Variants in GLUD2 observed in about 807,000 individuals in gnomAD.
GLUD2 encodes the protein glutamate dehydrogenase 2.
A neutral mutation model predicts 16.2 loss-of-function variants in GLUD2; 11 were observed. The ratio of observed to expected loss-of-function variants is 0.68; its 90% confidence interval spans 0.43 to 1.13. GLUD2 has a LOEUF of 1.13. Among genes scored for constraint, GLUD2 ranks in the 50% most tolerant of loss-of-function variants. The probability of loss-of-function intolerance (pLI) is 0.00; values close to 1 mark genes in which losing one functional copy is unlikely to be tolerated. For synonymous variants in GLUD2, 147 were observed against 181.9 expected, an observed-to-expected ratio of 0.81 and a Z score of 1.55; for missense variants, 360 against 456.4, an observed-to-expected ratio of 0.79 and a Z score of 1.93.
In GLUD2 at chrX:121,048,416, A is replaced by G; in HGVS notation, c.732A>G (p.Ile244Met). 1 of 1,211,567 alleles carries G rather than the reference A, an allele frequency of 8.3e-7. No individual in the cohort carries two copies. The change falls in exon 1 of 1, where the codon ATA (isoleucine) becomes ATG (methionine). Residue 244 changes from isoleucine (I) to methionine (M), a missense_variant. Physicochemically the swap from Ile to Met is conservative, Grantham distance 10. Around this residue, in one of 3 missense-constraint regions of GLUD2, gnomAD observed 279 missense variants for 352.9 expected, o/e 0.79. Transcript: ENST00000328078. ...TTGCTGATACCTATGCCAGCACCAT[A>G]GGGCACTATGATATTAATGCACACG... ...SWIADTYAST[I>M]GHYDINAHAC...
rs1925391613 is a variant in GLUD2 at position 121,047,967 on chromosome X, G to A, written c.283G>A (p.Glu95Lys). The A allele has an allele frequency of 8.3e-7, 1 of 1,211,936 alleles. No individual in the cohort carries two copies. The change falls in exon 1 of 1, where the codon GAG (glutamate) becomes AAG (lysine). Residue 95 changes from glutamate (E) to lysine (K), a missense_variant. This residue lies in a region of GLUD2 where 23 missense variants were observed against 53.7 expected (regional missense o/e 0.43). Coordinates refer to ENST00000328078, the MANE Select transcript of GLUD2 (RefSeq NM_012084.4). ...GAAGGACCTGAGGACCCAGGAAAGCGAGGAGCAGAAGCGGAACCGGGTGCG... is the reference window on the plus strand; with the variant it reads ...GAAGGACCTGAGGACCCAGGAAAGCAAGGAGCAGAAGCGGAACCGGGTGCG... ...LVKDLRTQES[E>K]EQKRNRVRGI...
In GLUD2 at chrX:121,047,629, T is replaced by C; in HGVS notation, c.-56T>C. 2.4e-6 allele frequency: 2 copies of C among 817,964 alleles called. No individual in the cohort carries two copies. Among genetic ancestry groups the C allele is most frequent in the Non-Finnish European group, 3.2e-6 (2 of 624,957 alleles). 67.4% of individuals were successfully genotyped at this position (817,964 alleles called of 1,213,427 possible). On this transcript the variant is annotated 5_prime_UTR_variant, in exon 1 of 1. Transcript: ENST00000328078. ...ACCCTTCCTTCCTAGTCGCGGGGAG[T>C]CTGAGAAAGCGCACCTGTTCCGCGA...
rs1569441467 is a variant in GLUD2, at chrX:121,049,085, C to G, written c.1401C>G (p.Leu467=). The part of the protein sequence containing the change: ...KYERDSNYHL[L]LSVQESLERK... ...AAAGGGATTCTAACTACCACTTGCT[C>G]CTGTCTGTTCAAGAGAGTTTAGAAA... The change falls in exon 1 of 1, where the codon CTC becomes CTG. Residue 467 remains leucine (L), a synonymous_variant. Transcript: ENST00000328078. 1.7e-6 allele frequency: 2 copies of G among 1,210,518 alleles called. No individual in the cohort carries two copies. The highest frequency in any genetic ancestry group is 2.2e-6 in the Non-Finnish European group (2 of 895,338).
chrX:121,048,018 T>G lies in GLUD2; in HGVS notation c.334T>G (p.Cys112Gly). ...VRGILRIIKP[C>G]NHVLSLSFPI... The stretch of plus-strand genomic sequence containing the variant: ...CGGCATCCTGCGGATCATCAAGCCC[T>G]GCAACCATGTGCTGAGTCTCTCCTT... The change falls in exon 1 of 1, where the codon TGC becomes GGC. Residue 112 changes from cysteine (C) to glycine (G), a missense_variant. Cys to Gly is a radical substitution (Grantham distance 159). Around this residue, in one of 3 missense-constraint regions of GLUD2, gnomAD observed 279 missense variants for 352.9 expected, o/e 0.79. Coordinates refer to ENST00000328078, the MANE Select transcript of GLUD2 (RefSeq NM_012084.4). 1 of 1,211,618 alleles carries G rather than the reference T, an allele frequency of 8.3e-7. No individual in the cohort carries two copies. Among genetic ancestry groups the G allele is most frequent in the Non-Finnish European group, 1.1e-6 (1 of 895,420 alleles).
In GLUD2 at chrX:121,047,865, G is replaced by A. The variant is rs774713459; in HGVS notation, c.181G>A (p.Glu61Lys). ...RHYSELVADREDDPNFFKMVE... is the reference protein window; with the variant it reads ...RHYSELVADRKDDPNFFKMVE... ...CTACAGCGAGTTGGTGGCCGACCGC[G>A]AGGACGACCCCAACTTCTTCAAGAT... Residue 61 changes from glutamate (E) to lysine (K), a missense_variant, in exon 1 of 1, where the codon GAG becomes AAG. Glu to Lys is a moderately conservative substitution (Grantham distance 56). Coordinates refer to ENST00000328078, the MANE Select transcript of GLUD2 (RefSeq NM_012084.4). 8.3e-7 allele frequency: 1 copy of A among 1,210,294 alleles called. No homozygotes were observed. Among genetic ancestry groups the A allele is most frequent in the Non-Finnish European group, 1.1e-6 (1 of 895,550 alleles).
rs2147396818 is a variant in GLUD2 at position 121,048,993 on chromosome X, G to A, written c.1309G>A (p.Val437Ile). The A allele has an allele frequency of 8.3e-7, 1 of 1,211,240 alleles. No homozygotes were observed. The change falls in exon 1 of 1, where the codon GTA becomes ATA. Residue 437 changes from valine (V) to isoleucine (I), a missense_variant. By Grantham distance (29) the Val-to-Ile change is conservative. Transcript: ENST00000328078. The stretch of plus-strand genomic sequence containing the variant: ...CTACTTGAATGCTGGAGGAGTGACA[G>A]TATCTTACTTTGAGTGGCTGAAGAA... ...DLYLNAGGVT[V>I]SYFEWLKNLN...
At position 121,049,448 on chromosome X, in the gene GLUD2, C is replaced by G. The variant is rs1602702419; in HGVS notation, c.*87C>G. ...AGTTTACATGTAACCACAGAAATCC[C>G]TTTCTCTCCTGACTCATTACTAATG... On this transcript the variant is annotated 3_prime_UTR_variant, in exon 1 of 1. Transcript: ENST00000328078. The G allele has an allele frequency of 1.2e-6, 1 of 851,508 alleles. No homozygotes were observed. Among genetic ancestry groups the G allele is most frequent in the East Asian group, 3.1e-5 (1 of 32,236 alleles). The allele number at this position is 851,508 out of a possible 1,213,427, so 70.2% of individuals were successfully genotyped here.
chrX:121,049,987 GAA>G lies in GLUD2; in HGVS notation c.*633_*634del, dbSNP rs746101621. ...GTGAATGCCTATAAAAATAATAAATGAAAAAAAACAGTATTTTTATATCATAA... is the reference window on the plus strand; with the variant it reads ...GTGAATGCCTATAAAAATAATAAATGAAAAAACAGTATTTTTATATCATAA... On this transcript the variant is annotated 3_prime_UTR_variant, in exon 1 of 1. Coordinates refer to ENST00000328078, the MANE Select transcript of GLUD2 (RefSeq NM_012084.4). 2.9e-3 allele frequency: 351 copies of G among 122,148 alleles called. 1 individual carries two copies. Among genetic ancestry groups the G allele is most frequent in the Non-Finnish European group, 4.8e-3 (257 of 53,064 alleles). The allele number at this position is 122,148 out of a possible 1,213,427, so 10.1% of individuals were successfully genotyped here.
At position 121,048,136 on chromosome X, in the gene GLUD2, G is replaced by A. The variant is rs1925399199; in HGVS notation, c.452G>A (p.Arg151His). 8.3e-7 allele frequency: 1 copy of A among 1,210,440 alleles called. No individual in the cohort carries two copies. The highest frequency in any genetic ancestry group is 1.1e-6 in the Non-Finnish European group (1 of 895,357). The change falls in exon 1 of 1, where the codon CGT (arginine) becomes CAT (histidine). Residue 151 changes from arginine (R) to histidine (H), a missense_variant. Coordinates refer to ENST00000328078, the MANE Select transcript of GLUD2 (RefSeq NM_012084.4). ...CGCACGCCCTGCAAGGGAGGTATCC[G>A]TTACAGCACTGATGTGAGTGTAGAT... ...QHRTPCKGGIRYSTDVSVDEV... is the reference protein window; with the variant it reads ...QHRTPCKGGIHYSTDVSVDEV...
rs1467885269 is a variant in GLUD2, at chrX:121,049,042, G to A, written c.1358G>A (p.Arg453His). The A allele has an allele frequency of 3.3e-6, 4 of 1,211,635 alleles. No homozygotes were observed. The highest frequency in any genetic ancestry group is 1.7e-5 in the African/African-American group (1 of 57,867). ...LKNLNHVSYGRLTFKYERDSN... is the reference protein window; with the variant it reads ...LKNLNHVSYGHLTFKYERDSN... ...AATCTAAATCATGTCAGCTATGGCC[G>A]TTTGACCTTCAAATATGAAAGGGAT... is the stretch of plus-strand genomic sequence containing the variant. Residue 453 changes from arginine to histidine, a missense_variant, in exon 1 of 1, where the codon CGT becomes CAT. By Grantham distance (29) the Arg-to-His change is conservative (BLOSUM62 0). Coordinates refer to ENST00000328078, the MANE Select transcript of GLUD2 (RefSeq NM_012084.4).
chrX:121,049,399 T>G lies in GLUD2; in HGVS notation c.*38T>G, dbSNP rs778725300. The G allele has an allele frequency of 1.4e-5, 16 of 1,132,739 alleles. No homozygotes were observed. The East Asian group carries it at 4.5e-4, about 32-fold the overall frequency. The allele number at this position is 1,132,739 out of a possible 1,213,427, so 93.4% of individuals were successfully genotyped here. ...TGACTTCCTCACTAACCTCTTCACG[T>G]GTAACTTCTGCAGACCTACCACAAG... is the stretch of plus-strand genomic sequence containing the variant. On this transcript the variant is annotated 3_prime_UTR_variant, in exon 1 of 1. Transcript: ENST00000328078.
Position 121,049,366 on chromosome X carries a change from A to C in GLUD2, c.*5A>C. ...GCTGGTGTGACCTTCACATAGATGG[A>C]TCATGGCTGACTTCCTCACTAACCT... is the stretch of plus-strand genomic sequence containing the variant. On this transcript the variant is annotated 3_prime_UTR_variant, in exon 1 of 1. Transcript: ENST00000328078. 1 of 1,196,998 alleles carries C rather than the reference A, an allele frequency of 8.4e-7. No individual in the cohort carries two copies.
At position 121,049,389 on chromosome X, in the gene GLUD2, C is replaced by A. The variant is rs189568346; in HGVS notation, c.*28C>A. ...GGATCATGGCTGACTTCCTCACTAA[C>A]CTCTTCACGTGTAACTTCTGCAGAC... On this transcript the variant is annotated 3_prime_UTR_variant, in exon 1 of 1. Coordinates refer to ENST00000328078, the MANE Select transcript of GLUD2 (RefSeq NM_012084.4). 108 of 1,155,624 alleles carry A rather than the reference C, an allele frequency of 9.3e-5. No homozygotes were observed. Among genetic ancestry groups the A allele is most frequent in the Non-Finnish European group, 1.2e-4 (104 of 846,646 alleles).
At position 121,048,144 on chromosome X, in the gene GLUD2, A is replaced by C. The variant is rs150485151; in HGVS notation, c.460A>C (p.Thr154Pro). Residue 154 changes from threonine (T) to proline (P), a missense_variant, in exon 1 of 1, where the codon ACT becomes CCT. Around this residue, in one of 3 missense-constraint regions of GLUD2, gnomAD observed 279 missense variants for 352.9 expected, o/e 0.79. Transcript: ENST00000328078. ...CTGCAAGGGAGGTATCCGTTACAGC[A>C]CTGATGTGAGTGTAGATGAAGTAAA... ...TPCKGGIRYS[T>P]DVSVDEVKAL... 270 of 1,210,440 alleles carry C rather than the reference A, an allele frequency of 2.2e-4. 1 individual carries two copies. The African/African-American group carries it at 4.4e-3, about 20-fold the overall frequency.
At position 121,049,005 on chromosome X, in the gene GLUD2, G is replaced by A; in HGVS notation, c.1321G>A (p.Glu441Lys). The A allele has an allele frequency of 8.3e-7, 1 of 1,211,513 alleles. No homozygotes were observed. Among genetic ancestry groups the A allele is most frequent in the Non-Finnish European group, 1.1e-6 (1 of 895,135 alleles). Reference sequence around the variant, plus strand: ...TGGAGGAGTGACAGTATCTTACTTTGAGTGGCTGAAGAATCTAAATCATGT... The same window carrying A: ...TGGAGGAGTGACAGTATCTTACTTTAAGTGGCTGAAGAATCTAAATCATGT... The part of the protein sequence containing the change: ...NAGGVTVSYF[E>K]WLKNLNHVSY... Residue 441 changes from glutamate to lysine, a missense_variant, in exon 1 of 1, where the codon GAG becomes AAG. Physicochemically the swap from Glu to Lys is moderately conservative, Grantham distance 56. This residue lies in a region of GLUD2 where 279 missense variants were observed against 352.9 expected (regional missense o/e 0.79). Transcript: ENST00000328078.
rs184327113 is a variant in GLUD2, at chrX:121,049,079, C to T, written c.1395C>T (p.His465=). 9 of 1,210,660 alleles carry T rather than the reference C, an allele frequency of 7.4e-6. No homozygotes were observed. The East Asian group carries it at 2.7e-4, about 36-fold the overall frequency. Residue 465 remains histidine, a synonymous_variant, in exon 1 of 1, where the codon CAC becomes CAT. Coordinates refer to ENST00000328078, the MANE Select transcript of GLUD2 (RefSeq NM_012084.4). ...AATATGAAAGGGATTCTAACTACCA[C>T]TTGCTCCTGTCTGTTCAAGAGAGTT... ...TFKYERDSNY[H]LLLSVQESLE...
In GLUD2 at chrX:121,049,478, C is replaced by T. The variant is rs1475359319; in HGVS notation, c.*117C>T. 5 of 674,771 alleles carry T rather than the reference C, an allele frequency of 7.4e-6. No homozygotes were observed. The highest frequency in any genetic ancestry group is 1.2e-5 in the Non-Finnish European group (5 of 408,017). The allele number at this position is 674,771 out of a possible 1,213,427, so 55.6% of individuals were successfully genotyped here. A position where few individuals can be genotyped will look rare whatever the true frequency, so the allele number is the denominator to read the frequency against. On this transcript the variant is annotated 3_prime_UTR_variant, in exon 1 of 1. Transcript: ENST00000328078. ...TCTCCTGACTCATTACTAATGGATA[C>T]CATTCTCAACAAGTCAATCCAAATC...
In GLUD2 at chrX:121,047,999, C is replaced by G. The variant is rs1041624747; in HGVS notation, c.315C>G (p.Ile105Met). 8.3e-7 allele frequency: 1 copy of G among 1,210,271 alleles called. No homozygotes were observed. Among genetic ancestry groups the G allele is most frequent in the African/African-American group, 1.7e-5 (1 of 57,311 alleles). The change falls in exon 1 of 1, where the codon ATC (isoleucine) becomes ATG (methionine). Residue 105 changes from isoleucine (I) to methionine (M), a missense_variant. Coordinates refer to ENST00000328078, the MANE Select transcript of GLUD2 (RefSeq NM_012084.4). ...EEQKRNRVRG[I>M]LRIIKPCNHV... ...AGAAGCGGAACCGGGTGCGCGGCAT[C>G]CTGCGGATCATCAAGCCCTGCAACC...
Position 121,047,726 on chromosome X carries a change from C to A in GLUD2, c.42C>A (p.Ala14=). Residue 14 remains alanine (A), a synonymous_variant, in exon 1 of 1, where the codon GCC becomes GCA. Coordinates refer to ENST00000328078, the MANE Select transcript of GLUD2 (RefSeq NM_012084.4). ...YLAKALLPSR[A]GPAALGSAAN... is the part of the protein sequence containing the mutation. ...CCAAAGCGCTGCTGCCGTCCCGGGC[C>A]GGGCCCGCTGCCCTGGGCTCCGCGG... 1 of 1,104,846 alleles carries A rather than the reference C, an allele frequency of 9.1e-7. No individual in the cohort carries two copies. The highest frequency in any genetic ancestry group is 1.2e-6 in the Non-Finnish European group (1 of 841,016). 91.1% of individuals were successfully genotyped at this position (1,104,846 alleles called of 1,213,427 possible).
Sources: gnomAD v4.1 joint callset for allele counts on GRCh38, gnomAD v4.1.1 for gene constraint, gnomAD v4.1.1 regional missense constraint, MANE v1.5 for transcripts, NCBI Gene and HGNC (gene_info 2026-07-23, HGNC 2026-07-21) for gene names.